Variants in SVIL observed in about 807,000 individuals in gnomAD.
The protein encoded by SVIL is archvillin.
In SVIL, 101 loss-of-function variants were observed where a neutral mutation model predicts 240.4. That is an observed-to-expected ratio of 0.42 (90% CI 0.36 to 0.50). The LOEUF is 0.50. Ranked by LOEUF, SVIL falls within the 20% of genes least tolerant of loss-of-function variation. The probability of loss-of-function intolerance (pLI) is 0.01; values close to 1 mark genes in which losing one functional copy is unlikely to be tolerated. For missense variants in SVIL, 2,512 were observed against 2,818.7 expected (o/e 0.89, Z 2.46); for synonymous variants, 999 against 1,100.0 (o/e 0.91, Z 1.82).
intron 20 of SVIL, 116 bp downstream of exon 20, chr10:29,494,798 C>A: frequency 1.0e-6 from 1 of 956,960 alleles, no homozygotes; most frequent in Non-Finnish European, 1.6e-6. Context: ...TGAATCAGGG[C>A]TTGTTTCTCT....
At chr10:29,590,316 C>A (rs1956342362) in intron 1 of SVIL, among the ~76,000 whole-genome samples, 6 of 152,062 alleles carry the variant, frequency 3.9e-5, no homozygotes, top group Admixed American at 3.9e-4. Context: ...AGGTTCCCAG[C>A]ACAAAAGAGC....
chr10:29,676,257 G>T (rs1435235901), intron 2 of SVIL, among the ~76,000 whole-genome samples: 1 of 152,180 alleles, frequency 6.6e-6, no homozygotes, highest in East Asian at 1.9e-4. Flanking sequence ...TTGGCTTTCT[G>T]TGTGGTGAAC....
At position 29,532,739 on chromosome 10, in the gene SVIL, A is replaced by G. The variant is rs779831200; in HGVS notation, c.1628T>C (p.Val543Ala). The change falls in exon 8 of 38, where the codon GTC becomes GCC. Residue 543 changes from valine to alanine, a missense_variant. Coordinates refer to ENST00000355867, the MANE Select transcript of SVIL (RefSeq NM_021738.3). ...HNREASKKRK[V>A]RTRSLSDFTG... ...GAAATCTGACAGAGAGCGGGTACGG[A>G]CCTTGCGCTTTTTCGAGGCTTCCCT... The G allele has an allele frequency of 3.0e-5, 48 of 1,613,956 alleles. No individual in the cohort carries two copies. Among genetic ancestry groups the G allele is most frequent in the Non-Finnish European group, 3.9e-5 (46 of 1,180,022 alleles).
intron 1 of SVIL, among the ~76,000 whole-genome samples, chr10:29,629,315 T>A (rs1194593994): frequency 6.6e-6 from 1 of 151,874 alleles, no homozygotes; most frequent in African/African-American, 2.4e-5. Context: ...CCCCTTCGAG[T>A]CCCGCACCCC....
In SVIL at chr10:29,646,237, G is replaced by C. The variant is rs916206036; in HGVS notation, c.-201+11732C>G. Reference sequence around the variant, plus strand: ...CCCCCCTGCCCTGCAATCTGTGATCGTAATTTCTGCTGGCTTTGTGCAGGC... The same window carrying C: ...CCCCCCTGCCCTGCAATCTGTGATCCTAATTTCTGCTGGCTTTGTGCAGGC... On this transcript the variant is annotated intron_variant, in intron 3 of 35. Transcript: ENST00000375400. Among the ~76,000 whole-genome samples the C allele has an allele frequency of 5.9e-5, 9 of 152,306 alleles. No individual in the cohort carries two copies. The East Asian group carries it at 1.7e-3, about 29-fold the overall frequency.
At chr10:29,654,907 C>A (rs542899937) in intron 3 of SVIL, among the ~76,000 whole-genome samples, 1 of 152,206 alleles carries the variant, frequency 6.6e-6, no homozygotes, top group Non-Finnish European at 1.5e-5. Context: ...CAGCAAAGAC[C>A]TTTCCCCTGT....
At chr10:29,718,113 G>A (rs1344391671) in intron 1 of SVIL, among the ~76,000 whole-genome samples, 2 of 151,886 alleles carry the variant, frequency 1.3e-5, no homozygotes, top group Non-Finnish European at 2.9e-5. Context: ...GGATCATGAG[G>A]TCAGGAGATG....
At chr10:29,642,592 C>T (rs74478922) in intron 3 of SVIL, among the ~76,000 whole-genome samples, 6,220 of 152,236 alleles carry the variant, frequency 0.041, 200 homozygotes, top group Admixed American at 0.098. Flanking sequence ...TTTCATATTA[C>T]CAGGACCTAG....
intron 3 of SVIL, among the ~76,000 whole-genome samples, chr10:29,641,012 C>T (rs1958467212): frequency 6.6e-6 from 1 of 152,200 alleles, no homozygotes; most frequent in South Asian, 2.1e-4. Context: ...CATGGAAGCC[C>T]ACATGGCAAA....
intron 11 of SVIL, among the ~76,000 whole-genome samples, chr10:29,530,299 G>C (rs1951266729): frequency 6.6e-6 from 1 of 152,152 alleles, no homozygotes; most frequent in African/African-American, 2.4e-5. Flanking sequence ...ATTGTTGTCA[G>C]AAGTGTACAC....
intron 1 of SVIL, among the ~76,000 whole-genome samples, chr10:29,598,571 A>C (rs749019077): frequency 2.2e-4 from 34 of 152,182 alleles, no homozygotes; most frequent in Admixed American, 2.1e-3. Flanking sequence ...GAAATGACCA[A>C]CCTGAGCTGC....
intron 3 of SVIL, among the ~76,000 whole-genome samples, chr10:29,640,563 G>C (rs1312681908): frequency 6.6e-6 from 1 of 152,124 alleles, no homozygotes; most frequent in African/African-American, 2.4e-5. Context: ...CGGGAACATG[G>C]AACTCAAGAG....
At position 29,709,136 on chromosome 10, in the gene SVIL, G is replaced by T. The variant is rs1366328719; in HGVS notation, c.-399-22485C>A. On this transcript the variant is annotated intron_variant, in intron 1 of 35. Transcript: ENST00000375400. ...GGGGGAAAAGGAAGAAATTATCAAA[G>T]AAATAATACAGCTTGAGTACCCCTT... 2.6e-5 allele frequency among the ~76,000 whole-genome samples: 4 copies of T among 152,146 alleles called. No individual in the cohort carries two copies. The South Asian group carries it at 6.2e-4, about 24-fold the overall frequency.
At position 29,592,827 on chromosome 10, in the gene SVIL, ATC is replaced by A; in HGVS notation, c.-200-23517_-200-23516del. Among the ~76,000 whole-genome samples the A allele has an allele frequency of 2.0e-5, 3 of 152,312 alleles. No individual in the cohort carries two copies. The South Asian group carries it at 6.2e-4, about 32-fold the overall frequency. ...CATTCATCTAAATATTTCCTTCATG[ATC>A]AAGGCCTAGATTAAAGTTCATTCTA... On this transcript the variant is annotated intron_variant, in intron 1 of 37. Transcript: ENST00000355867.
intron 1 of SVIL, chr10:29,686,725 G>A (rs1275093098): frequency 1.3e-5 from 2 of 152,104 alleles, no homozygotes; most frequent in Non-Finnish European, 2.9e-5. Context: ...TAAATGAAAT[G>A]GAATGAATCG....
intron 29 of SVIL, among the ~76,000 whole-genome samples, chr10:29,475,833 C>T (rs982807543): frequency 6.6e-6 from 1 of 152,180 alleles, no homozygotes; most frequent in Non-Finnish European, 1.5e-5. Context: ...CTGCAGTTTT[C>T]CCAGCTCCAA....
intron 3 of SVIL, among the ~76,000 whole-genome samples, chr10:29,555,647 A>G (rs952006509): frequency 2.0e-5 from 3 of 152,198 alleles, no homozygotes; most frequent in African/African-American, 7.2e-5. Flanking sequence ...AGGGGAATCA[A>G]GGGAGACCTG....
chr10:29,531,947 C>A (rs1951398264), intron 9 of SVIL, 55 bp downstream of exon 9: 2 of 1,593,876 alleles, frequency 1.3e-6, no homozygotes, highest in African/African-American at 2.7e-5. Context: ...TGTGGTAAAA[C>A]TCCTGTGTCA....
At chr10:29,715,109 C>T (rs192552173) in intron 1 of SVIL, among the ~76,000 whole-genome samples, 21 of 152,022 alleles carry the variant, frequency 1.4e-4, no homozygotes, top group Middle Eastern at 3.4e-3. Context: ...ACAAAGAAAA[C>T]GGTCAGAATA....
Sources: allele counts gnomAD v4.1 joint callset (sites outside exome capture counted in the v4.1 genomes callset), GRCh38; gene constraint gnomAD v4.1.1; transcripts MANE v1.5; gene names NCBI Gene and HGNC (gene_info 2026-07-23, HGNC 2026-07-21).